Variants in PROCR observed in about 807,000 individuals in gnomAD.
PROCR encodes endothelial protein C receptor.
Under a neutral mutation model 24.2 loss-of-function variants are expected in PROCR, and 22 were observed. The ratio of observed to expected loss-of-function variants is 0.91; its 90% CI spans 0.65 to 1.30. The LOEUF is 1.30. Among genes scored for constraint, PROCR ranks in the 50% most tolerant of loss-of-function variants. PROCR has a pLI of 0.00. For synonymous variants in PROCR, 137 were observed against 139.2 expected, an observed-to-expected ratio of 0.98 and a Z score of 0.11; for missense variants, 288 against 307.7, an observed-to-expected ratio of 0.94 and a Z score of 0.48.
At chr20:35,212,551 G>A (rs1490106945) in intron 1 of PROCR, among the ~76,000 whole-genome samples, 8 of 152,178 alleles carry the variant, frequency 5.3e-5, no homozygotes, top group African/African-American at 1.7e-4. Context: ...AGATAATGAA[G>A]GGGCTAAATC....
At chr20:35,187,911 G>A (rs2086142059) in intron 1 of PROCR, among the ~76,000 whole-genome samples, 1 of 152,170 alleles carries the variant, frequency 6.6e-6, no homozygotes, top group South Asian at 2.1e-4. Context: ...CTCTTTTTGG[G>A]AATGATCTTA....
intron 1 of PROCR, among the ~76,000 whole-genome samples, chr20:35,185,030 CAAA>C (rs55715132): frequency 0.22 from 23,312 of 104,266 alleles, 1,552 homozygotes; most frequent in Middle Eastern, 0.28. Flanking sequence ...ATCAGTAAGA[CAAA>C]AAAAAAAAAA....
At chr20:35,200,606 A>G (rs1274026660) in intron 1 of PROCR, among the ~76,000 whole-genome samples, 3 of 152,204 alleles carry the variant, frequency 2.0e-5, no homozygotes, top group African/African-American at 7.2e-5. Flanking sequence ...ATGTTATTGC[A>G]CATTTATTAG....
Position 35,176,457 on chromosome 20 carries a change from A to ACGGGGCC in PROCR, c.601+13_601+19dup. 6.2e-7 allele frequency: 1 copy of ACGGGGCC among 1,612,982 alleles called. No homozygotes were observed. The highest frequency in any genetic ancestry group is 8.5e-7 in the Non-Finnish European group (1 of 1,179,312). The stretch of plus-strand genomic sequence containing the variant: ...CGGAAAACACGAAAGGTATGATGGG[A>ACGGGGCC]CGGGGCCCAGGCCTGCAAGCTGGGG... On this transcript the variant is annotated intron_variant, in intron 3 of 3. Transcript: ENST00000216968.
chr20:35,197,642 T>A (rs1365532984), intron 1 of PROCR, among the ~76,000 whole-genome samples: 2 of 151,346 alleles, frequency 1.3e-5, no homozygotes, highest in Non-Finnish European at 2.9e-5. Flanking sequence ...GCCAACATGG[T>A]GAAACCCCAT....
At chr20:35,172,352 C>T in intron 1 of PROCR, 128 bp downstream of exon 1, 2 of 1,174,240 alleles carry the variant, frequency 1.7e-6, no homozygotes, top group Admixed American at 1.9e-5. Context: ...GATCTCTCTA[C>T]AGGGCAGGCA....
Position 35,176,890 on chromosome 20 carries a change from G to T in PROCR, c.*77G>T. 2 of 1,566,964 alleles carry T rather than the reference G, an allele frequency of 1.3e-6. No individual in the cohort carries two copies. Among genetic ancestry groups the T allele is most frequent in the Non-Finnish European group, 1.7e-6 (2 of 1,154,760 alleles). ...AAAGTTTCAGCTCACTGTGAAGCCA[G>T]ACTCCCCAACTGAAACACCAGAAGG... On this transcript the variant is annotated 3_prime_UTR_variant, in exon 4 of 4. Transcript: ENST00000216968.
intron 1 of PROCR, among the ~76,000 whole-genome samples, chr20:35,197,341 G>A (rs2060301681): frequency 6.6e-6 from 1 of 152,164 alleles, no homozygotes; most frequent in Admixed American, 6.6e-5. Flanking sequence ...GTTTTGGGGT[G>A]TCACAAATCA....
intron 1 of PROCR, among the ~76,000 whole-genome samples, chr20:35,193,221 G>A (rs1332734622): frequency 1.3e-5 from 2 of 151,340 alleles, no homozygotes; most frequent in East Asian, 1.9e-4. Context: ...CTGTCACCAG[G>A]CTGGAGTGTA....
chr20:35,205,391 C>T (rs139005349), intron 1 of PROCR, among the ~76,000 whole-genome samples: 235 of 141,206 alleles, frequency 1.7e-3, no homozygotes, highest in Non-Finnish European at 2.3e-3. Context: ...ATTTAAAACC[C>T]ATTCATGATA....
At chr20:35,175,294 C>G (rs923040442) in intron 2 of PROCR, among the ~76,000 whole-genome samples, 1 of 151,562 alleles carries the variant, frequency 6.6e-6, no homozygotes, top group African/African-American at 2.4e-5. Flanking sequence ...TCATAGATCT[C>G]CGTCCTTCCC....
intron 1 of PROCR, 86 bp downstream of exon 1, chr20:35,172,310 T>C: frequency 6.8e-7 from 1 of 1,467,724 alleles, no homozygotes; most frequent in Non-Finnish European, 9.5e-7. Context: ...CAGGAGAGCT[T>C]ATCTCACAGC....
intron 1 of PROCR, among the ~76,000 whole-genome samples, chr20:35,201,331 A>G (rs2060317413): frequency 6.6e-6 from 1 of 152,212 alleles, no homozygotes; most frequent in Non-Finnish European, 1.5e-5. Context: ...ATCCACTCTT[A>G]TCAATAACTA....
intron 1 of PROCR, among the ~76,000 whole-genome samples, chr20:35,185,021 T>A (rs1354539340): frequency 4.2e-5 from 3 of 70,608 alleles, no homozygotes; most frequent in African/African-American, 2.0e-4. Context: ...CTCAAACGAA[T>A]CAGTAAGACA....
intron 1 of PROCR, among the ~76,000 whole-genome samples, chr20:35,198,962 C>A (rs765039565): frequency 6.6e-6 from 1 of 152,196 alleles, no homozygotes; most frequent in Admixed American, 6.5e-5. Flanking sequence ...GATCTGCCCG[C>A]CTCATCCTCC....
intron 1 of PROCR, among the ~76,000 whole-genome samples, chr20:35,192,447 G>C (rs897420821): frequency 6.6e-6 from 1 of 152,182 alleles, no homozygotes; most frequent in Non-Finnish European, 1.5e-5. Flanking sequence ...ATTTATCAGA[G>C]GCTTGGACTG....
In PROCR at chr20:35,207,674, C is replaced by T. The variant is rs556134736; in HGVS notation, c.95-8219C>T. Among the ~76,000 whole-genome samples the T allele has an allele frequency of 4.8e-3, 737 of 152,024 alleles. 8 individuals carry two copies. Among genetic ancestry groups the T allele is most frequent in the Middle Eastern group, 0.02 (6 of 294 alleles). ...CCTCCCGAGTAGCTGAGACTACAGG[C>T]GCTCACCACCACACCTGGCTAATTT... On this transcript the variant is annotated intron_variant, in intron 1 of 1. Transcript: ENST00000634509.
At chr20:35,182,203 G>A (rs2086084477), downstream of PROCR, among the ~76,000 whole-genome samples, 1 of 152,238 alleles carries the variant, frequency 6.6e-6, no homozygotes, top group Non-Finnish European at 1.5e-5. Flanking sequence ...AGAGATTTCA[G>A]ATGCTGGGCA....
At chr20:35,176,129 T>C in intron 2 of PROCR, 39 bp from the exon 3 acceptor site, 1 of 1,597,858 alleles carries the variant, frequency 6.3e-7, no homozygotes, top group Non-Finnish European at 8.6e-7. Flanking sequence ...CCTGGCACCC[T>C]CTCTGCACAG....
Sources: allele counts gnomAD v4.1 joint callset (sites outside exome capture counted in the v4.1 genomes callset), GRCh38; gene constraint gnomAD v4.1.1; transcripts MANE v1.5; gene names NCBI Gene and HGNC (gene_info 2026-07-23, HGNC 2026-07-21).